TMEM14C: variants seen among roughly 807,000 people sequenced by gnomAD.
TMEM14C encodes the protein chromosome 6 open reading frame 53.
In TMEM14C, 13 loss-of-function variants were observed where a neutral mutation model predicts 14.8. The ratio of observed to expected loss-of-function variants is 0.88; its 90% CI spans 0.57 to 1.40. The LOEUF is 1.40. Ranked by LOEUF, TMEM14C falls within the 40% of genes most tolerant of loss-of-function variation. The pLI is 0.00. For missense variants in TMEM14C, 142 were observed against 138.8 expected, an observed-to-expected ratio of 1.02 and a Z score of -0.12; for synonymous variants, 57 against 51.3, an observed-to-expected ratio of 1.11 and a Z score of -0.48.
chr6:10,726,648 A>G (rs1667826892), intron 4 of TMEM14C, among the ~76,000 whole-genome samples: 1 of 152,158 alleles, frequency 6.6e-6, no homozygotes. Flanking sequence ...CTGAGATCAC[A>G]CCACTGCACT....
intron 1 of TMEM14C, among the ~76,000 whole-genome samples, chr6:10,724,004 G>C: frequency 6.6e-6 from 1 of 152,180 alleles, no homozygotes; most frequent in East Asian, 1.9e-4. Context: ...GTTTTTCCAA[G>C]GGTGTAGTGT....
intron 5 of TMEM14C, among the ~76,000 whole-genome samples, chr6:10,729,067 G>T (rs191455421): frequency 5.2e-4 from 79 of 152,256 alleles, no homozygotes; most frequent in African/African-American, 1.8e-3. Context: ...ATATTTCTTA[G>T]ATGTGTAGAT....
At position 10,730,668 on chromosome 6, in the gene TMEM14C, A is replaced by G. The variant is rs557178582; in HGVS notation, c.*2A>G. The G allele has an allele frequency of 1.2e-6, 2 of 1,609,174 alleles. No individual in the cohort carries two copies. Reference sequence around the variant, plus strand: ...AGTATGTTCAACAGACCCCATTAGCAGAAGTCATGTTCCAGCTTAGACTGA... The same window carrying G: ...AGTATGTTCAACAGACCCCATTAGCGGAAGTCATGTTCCAGCTTAGACTGA... On this transcript the variant is annotated 3_prime_UTR_variant, in exon 6 of 6. Transcript: ENST00000229563.
chr6:10,727,835 A>T (rs1770912359), intron 4 of TMEM14C, among the ~76,000 whole-genome samples: 1 of 152,058 alleles, frequency 6.6e-6, no homozygotes, highest in Non-Finnish European at 1.5e-5. Context: ...ATTAAAAAAA[A>T]AAATGTGACT....
Position 10,730,897 on chromosome 6 carries a change from G to A in TMEM14C, c.*231G>A. 2 of 1,165,338 alleles carry A rather than the reference G, an allele frequency of 1.7e-6. No individual in the cohort carries two copies. Among genetic ancestry groups the A allele is most frequent in the South Asian group, 6.9e-5 (2 of 28,916 alleles). The allele number at this position is 1,165,338 out of a possible 1,614,324, so 72.2% of individuals were successfully genotyped here. A position where few individuals can be genotyped will look rare whatever the true frequency, so the allele number is the denominator to read the frequency against. On this transcript the variant is annotated 3_prime_UTR_variant, in exon 6 of 6. Coordinates refer to ENST00000229563, the MANE Select transcript of TMEM14C (RefSeq NM_016462.4). The stretch of plus-strand genomic sequence containing the variant: ...AAGACCCTCATAGAGCTTGATTCTT[G>A]TATATTGATGTTGTCTTTTCTTTCT...
chr6:10,725,955 G>A lies in TMEM14C; in HGVS notation c.146G>A (p.Gly49Asp). Reference protein sequence around the residue: ...AAGLLFGSLAGLGAYQLSQDP... With the variant: ...AAGLLFGSLADLGAYQLSQDP... ...GGGCTGCTCTTTGGCAGTCTAGCCG[G>A]CCTGGGTGCTTACCAGCTGTCTCAG... The change falls in exon 4 of 6, where the codon GGC becomes GAC. Residue 49 changes from glycine (G) to aspartate (D), a missense_variant. Coordinates refer to ENST00000229563, the MANE Select transcript of TMEM14C (RefSeq NM_016462.4). The A allele has an allele frequency of 6.2e-7, 1 of 1,614,108 alleles. No homozygotes were observed. The highest frequency in any genetic ancestry group is 8.5e-7 in the Non-Finnish European group (1 of 1,180,020).
rs1174881263 is a variant in TMEM14C at position 10,724,623 on chromosome 6, A to C, written c.10A>C (p.Thr4Pro). 1 of 1,612,586 alleles carries C rather than the reference A, an allele frequency of 6.2e-7. No individual in the cohort carries two copies. The highest frequency in any genetic ancestry group is 8.5e-7 in the Non-Finnish European group (1 of 1,179,250). The part of the protein sequence containing the change: MQD[T>P]GSVVPLHWFG... ...GACAGAGAAGAGAAAAATGCAGGACACTGGCTCAGTGTGAGTGCAGTAAAT... is the reference window on the plus strand; with the variant it reads ...GACAGAGAAGAGAAAAATGCAGGACCCTGGCTCAGTGTGAGTGCAGTAAAT... The change falls in exon 2 of 6, where the codon ACT becomes CCT. Residue 4 changes from threonine to proline, a missense_variant. Thr to Pro is a conservative substitution (Grantham distance 38). Coordinates refer to ENST00000229563, the MANE Select transcript of TMEM14C (RefSeq NM_016462.4).
At chr6:10,723,607 T>TTG (rs1372531652) in intron 1 of TMEM14C, among the ~76,000 whole-genome samples, 1 of 150,496 alleles carries the variant, frequency 6.6e-6, no homozygotes, top group African/African-American at 2.5e-5. Context: ...TTTTTTTTTT[T>TTG]TTTTGTCCTT....
rs573959158 is a variant in TMEM14C, at chr6:10,727,704, C to T, written c.200-936C>T. 5.3e-5 allele frequency among the ~76,000 whole-genome samples: 8 copies of T among 151,970 alleles called. No homozygotes were observed. In the East Asian group the frequency reaches 1.4e-3, roughly 26 times the overall value. On this transcript the variant is annotated intron_variant, in intron 4 of 5. Coordinates refer to ENST00000229563, the MANE Select transcript of TMEM14C (RefSeq NM_016462.4). ...GGCGTGGTGGCGGACGCCTGTAGTCCGAGTTACTCAGGAGGCTGAGACTTG... is the reference window on the plus strand; with the variant it reads ...GGCGTGGTGGCGGACGCCTGTAGTCTGAGTTACTCAGGAGGCTGAGACTTG...
chr6:10,730,712 C>T lies in TMEM14C; in HGVS notation c.*46C>T, dbSNP rs144713687. On this transcript the variant is annotated 3_prime_UTR_variant, in exon 6 of 6. Coordinates refer to ENST00000229563, the MANE Select transcript of TMEM14C (RefSeq NM_016462.4). ...AGACTGATGAAGAATTAAAAATCTG[C>T]ATCTTCCACTATTTTCAATATATTA... 2.7e-5 allele frequency: 42 copies of T among 1,546,210 alleles called. No homozygotes were observed. In the African/African-American group the frequency reaches 4.6e-4, roughly 17 times the overall value.
At chr6:10,723,767 A>C (rs954388674) in intron 1 of TMEM14C, among the ~76,000 whole-genome samples, 1 of 151,612 alleles carries the variant, frequency 6.6e-6, no homozygotes. Flanking sequence ...TGCGCGATTA[A>C]TTTTTTTATA....
At chr6:10,726,906 G>A (rs1770880293) in intron 4 of TMEM14C, among the ~76,000 whole-genome samples, 2 of 152,150 alleles carry the variant, frequency 1.3e-5, no homozygotes, top group South Asian at 2.1e-4. Context: ...ATGTGGGAGG[G>A]AGAAGCCATG....
chr6:10,729,354 G>A (rs1289820313), intron 5 of TMEM14C, among the ~76,000 whole-genome samples: 1 of 152,066 alleles, frequency 6.6e-6, no homozygotes, highest in East Asian at 1.9e-4. Flanking sequence ...AGGCTGGTCT[G>A]GAACTCCTGA....
rs1405064618 is a variant in TMEM14C, at chr6:10,724,505, C to G, written c.-44-65C>G. 5.3e-6 allele frequency: 6 copies of G among 1,127,668 alleles called. No individual in the cohort carries two copies. In the Admixed American group the frequency reaches 7.9e-5, roughly 15 times the overall value. 69.9% of individuals were successfully genotyped at this position (1,127,668 alleles called of 1,614,324 possible). ...GGTTGCGTAGCTTGCAGGTTGGACA[C>G]ACTTCTTTCTGACTGCTGGAGAGCT... is the stretch of plus-strand genomic sequence containing the variant. On this transcript the variant is annotated intron_variant, in intron 1 of 5. Coordinates refer to ENST00000229563, the MANE Select transcript of TMEM14C (RefSeq NM_016462.4).
At chr6:10,724,244 A>G (rs1294208497) in intron 1 of TMEM14C, among the ~76,000 whole-genome samples, 2 of 152,222 alleles carry the variant, frequency 1.3e-5, no homozygotes, top group Non-Finnish European at 2.9e-5. Context: ...TAACATGGGT[A>G]GCTGATGAAA....
intron 5 of TMEM14C, among the ~76,000 whole-genome samples, chr6:10,729,051 G>A (rs1770954223): frequency 6.6e-6 from 1 of 152,062 alleles, no homozygotes; most frequent in South Asian, 2.1e-4. Flanking sequence ...AAGATTTGGG[G>A]GCCCCATATT....
chr6:10,729,001 T>G (rs1172811841), intron 5 of TMEM14C, among the ~76,000 whole-genome samples: 2 of 152,226 alleles, frequency 1.3e-5, no homozygotes, highest in Non-Finnish European at 1.5e-5. Context: ...GAAGTTTTAG[T>G]GCAAAGCCAT....
At chr6:10,727,702 T>A (rs1770907016) in intron 4 of TMEM14C, among the ~76,000 whole-genome samples, 1 of 151,918 alleles carries the variant, frequency 6.6e-6, no homozygotes, top group Admixed American at 6.6e-5. Context: ...ACGCCTGTAG[T>A]CCGAGTTACT....
In TMEM14C at chr6:10,725,163, C is replaced by T. The variant is rs147126762; in HGVS notation, c.97+126C>T. 699 of 1,130,260 alleles carry T rather than the reference C, an allele frequency of 6.2e-4. 3 individuals are homozygous for T. In the African/African-American group the frequency reaches 8.9e-3, roughly 14 times the overall value. 70.0% of individuals were successfully genotyped at this position (1,130,260 alleles called of 1,614,324 possible). A position where few individuals can be genotyped will look rare whatever the true frequency, so the allele number is the denominator to read the frequency against. On this transcript the variant is annotated intron_variant, in intron 3 of 5. Transcript: ENST00000229563. ...TGCTGTGGGTCCCCAAGCTGGAGTGCAGGCTTCCTTGTCAGTCTTGCAGCT... is the reference window on the plus strand; with the variant it reads ...TGCTGTGGGTCCCCAAGCTGGAGTGTAGGCTTCCTTGTCAGTCTTGCAGCT...
Sources: allele counts gnomAD v4.1 joint callset (sites outside exome capture counted in the v4.1 genomes callset), GRCh38; gene constraint gnomAD v4.1.1; transcripts MANE v1.5; gene names NCBI Gene and HGNC (gene_info 2026-07-23, HGNC 2026-07-21).